TMED3: variants seen among roughly 807,000 people sequenced by gnomAD.
The protein encoded by TMED3 is transmembrane emp24 domain-containing protein 3.
Under a neutral mutation model 15.0 loss-of-function variants are expected in TMED3, and 9 were observed. The observed-to-expected ratio is 0.60, with a 90% CI of 0.36 to 1.04. TMED3 has a LOEUF of 1.04. TMED3 is among the 50% of genes least tolerant of loss of function. The pLI is 0.01. For synonymous variants in TMED3, 117 were observed against 121.4 expected (o/e 0.96, Z 0.24); for missense variants, 267 against 278.9 (o/e 0.96, Z 0.30).
At chr15:79,343,106 A>G (rs1277464063) in intron 2 of TMED3, among the ~76,000 whole-genome samples, 4 of 152,284 alleles carry the variant, frequency 2.6e-5, no homozygotes, top group African/African-American at 9.6e-5. Context: ...CATGGAGATA[A>G]GAATTGGTGT....
chr15:79,377,355 G>C (rs1038617716), intron 2 of TMED3, among the ~76,000 whole-genome samples: 1 of 151,660 alleles, frequency 6.6e-6, no homozygotes, highest in Non-Finnish European at 1.5e-5. Context: ...TGTGGGGAGG[G>C]AGTTTTGAGT....
intron 2 of TMED3, among the ~76,000 whole-genome samples, chr15:79,389,349 C>G (rs1893667838): frequency 6.6e-6 from 1 of 151,876 alleles, no homozygotes; most frequent in Non-Finnish European, 1.5e-5. Flanking sequence ...AAAAGGGTGT[C>G]CTTTCCCCAC....
At chr15:79,372,432 T>G (rs539472332) in intron 2 of TMED3, among the ~76,000 whole-genome samples, 1 of 152,360 alleles carries the variant, frequency 6.6e-6, no homozygotes, top group East Asian at 1.9e-4. Flanking sequence ...TAGTCTGTTC[T>G]CACACTGCTA....
chr15:79,388,446 G>A (rs1255107977), intron 2 of TMED3, among the ~76,000 whole-genome samples: 2 of 151,628 alleles, frequency 1.3e-5, no homozygotes, highest in South Asian at 2.1e-4. Context: ...GACGGGCTGA[G>A]TAGTATTCAA....
At chr15:79,407,872 A>C (rs1893921934) in intron 2 of TMED3, among the ~76,000 whole-genome samples, 1 of 152,148 alleles carries the variant, frequency 6.6e-6, no homozygotes, top group Non-Finnish European at 1.5e-5. Context: ...ACTTACAAAG[A>C]AGAGAGGAAT....
Position 79,322,037 on chromosome 15 carries a change from G to T in TMED3, c.477G>T (p.Thr159=). Residue 159 remains threonine (T), a synonymous_variant, in exon 3 of 3, where the codon ACG becomes ACT. Transcript: ENST00000299705. ...EALKTVIDSQ[T]HYRLREAQDR... is the part of the protein sequence containing the mutation. ...TGAAAACGGTGATTGACTCCCAGAC[G>T]CATTACCGGCTGCGGGAGGCCCAGG... 1 of 1,614,206 alleles carries T rather than the reference G, an allele frequency of 6.2e-7. No homozygotes were observed. The highest frequency in any genetic ancestry group is 8.5e-7 in the Non-Finnish European group (1 of 1,180,040).
intron 2 of TMED3, among the ~76,000 whole-genome samples, chr15:79,406,446 A>C (rs905104206): frequency 4.6e-5 from 7 of 151,688 alleles, no homozygotes; most frequent in African/African-American, 1.5e-4. Context: ...CCCCATCCCC[A>C]CTCTAACTGG....
intron 2 of TMED3, among the ~76,000 whole-genome samples, chr15:79,388,367 AT>A (rs1275327153): frequency 2.0e-5 from 3 of 151,974 alleles, no homozygotes; most frequent in African/African-American, 4.8e-5. Context: ...ATTTTTTGAG[AT>A]GATCATATTA....
intron 2 of TMED3, among the ~76,000 whole-genome samples, chr15:79,370,259 T>A (rs1195592432): frequency 5.7e-5 from 3 of 52,600 alleles, no homozygotes; most frequent in Non-Finnish European, 1.1e-4. Flanking sequence ...CCAGCTAATT[T>A]TTTTTTTTTT....
intron 1 of TMED3, among the ~76,000 whole-genome samples, chr15:79,312,345 T>A (rs1268597941): frequency 6.6e-6 from 1 of 152,206 alleles, no homozygotes; most frequent in Non-Finnish European, 1.5e-5. Context: ...GTGGACAACA[T>A]GCAAATTGTG....
chr15:79,390,795 C>T (rs918224496), intron 2 of TMED3, among the ~76,000 whole-genome samples: 2 of 151,972 alleles, frequency 1.3e-5, no homozygotes, highest in South Asian at 4.2e-4. Flanking sequence ...TCTATTTCTT[C>T]CTAATTTAAA....
In TMED3 at chr15:79,386,934, C is replaced by CTTT. The variant is rs372149513; in HGVS notation, c.418-24453_418-24451dup. Among the ~76,000 whole-genome samples the CTTT allele has an allele frequency of 2.4e-3, 335 of 137,378 alleles. 4 individuals are homozygous for CTTT. The highest frequency in any genetic ancestry group is 3.6e-3 in the East Asian group (17 of 4,742). The allele number at this position is 137,378 out of a possible 152,430, so 90.1% of individuals were successfully genotyped here. ...CTTTCTTTCTTTTTAATCTTTTAAT[C>CTTT]TTTTTTTTTTTTTTTGAGACAATGT... is the stretch of plus-strand genomic sequence containing the variant. On this transcript the variant is annotated intron_variant, in intron 2 of 2. Coordinates refer to the TMED3 transcript ENST00000424155.
intron 2 of TMED3, among the ~76,000 whole-genome samples, chr15:79,351,198 A>G (rs2058889921): frequency 6.6e-6 from 1 of 152,212 alleles, no homozygotes; most frequent in Non-Finnish European, 1.5e-5. Flanking sequence ...ATGACTACTA[A>G]CTGGTCAGGT....
chr15:79,370,094 G>A (rs564841330), intron 2 of TMED3, among the ~76,000 whole-genome samples: 2 of 151,664 alleles, frequency 1.3e-5, no homozygotes, highest in Non-Finnish European at 3.0e-5. Context: ...AAGGCTATAT[G>A]TGCATTTTTT....
chr15:79,350,215 T>C lies in TMED3; in HGVS notation c.417+36210T>C, dbSNP rs191957117. On this transcript the variant is annotated intron_variant, in intron 2 of 2. Transcript: ENST00000424155. The stretch of plus-strand genomic sequence containing the variant: ...ATGGATGAATAGCTGGACGGTTAGA[T>C]GGATTATGAATGTGTTAGGGTTCTC... Among the ~76,000 whole-genome samples, 9 of 152,294 alleles carry C rather than the reference T, an allele frequency of 5.9e-5. No homozygotes were observed. In the East Asian group the frequency reaches 1.7e-3, roughly 29 times the overall value.
intron 2 of TMED3, among the ~76,000 whole-genome samples, chr15:79,339,687 ATGG>A (rs1202141275): frequency 5.9e-5 from 9 of 151,848 alleles, no homozygotes; most frequent in South Asian, 2.1e-4. Flanking sequence ...GATGGTGATG[ATGG>A]TGGTGATGGT....
chr15:79,384,748 G>A (rs1030430838), intron 2 of TMED3: 2 of 152,220 alleles, frequency 1.3e-5, no homozygotes, highest in East Asian at 1.9e-4. Flanking sequence ...CAGTCTGGGT[G>A]TGGTGGCTCA....
chr15:79,411,143 G>A (rs951582581), intron 2 of TMED3, among the ~76,000 whole-genome samples: 2 of 152,272 alleles, frequency 1.3e-5, no homozygotes, highest in African/African-American at 2.4e-5. Flanking sequence ...GGTCACACAG[G>A]CATCCAGGGG....
chr15:79,378,377 G>C (rs1200071547), intron 2 of TMED3, among the ~76,000 whole-genome samples: 1 of 152,204 alleles, frequency 6.6e-6, no homozygotes. Flanking sequence ...GGATGTTCTA[G>C]TTGGTATGTG....
Sources: allele counts gnomAD v4.1 joint callset (sites outside exome capture counted in the v4.1 genomes callset), GRCh38; gene constraint gnomAD v4.1.1; transcripts MANE v1.5; gene names NCBI Gene and HGNC (gene_info 2026-07-23, HGNC 2026-07-21).